Variants in CEP70 observed in about 807,000 individuals in gnomAD.
CEP70 encodes centrosomal protein 70.
In CEP70, 70 loss-of-function variants were observed where a neutral mutation model predicts 90.9. That is an observed-to-expected ratio of 0.77 (90% CI 0.64 to 0.94). The LOEUF is 0.94. Ranked by LOEUF, CEP70 falls within the 40% of genes least tolerant of loss-of-function variation. The probability of loss-of-function intolerance (pLI) is 0.00; values close to 1 mark genes in which losing one functional copy is unlikely to be tolerated. For synonymous variants in CEP70, 220 were observed against 228.3 expected (o/e 0.96, Z 0.33); for missense variants, 648 against 669.0 (o/e 0.97, Z 0.35).
intron 1 of CEP70, chr3:138,593,857 C>G (rs576984046): frequency 1.3e-5 from 2 of 152,272 alleles, no homozygotes; most frequent in East Asian, 3.9e-4. Flanking sequence ...AGTCTGTGCC[C>G]GACGTGATTC....
chr3:138,506,358 T>A (rs557902527), intron 12 of CEP70, among the ~76,000 whole-genome samples: 1 of 152,212 alleles, frequency 6.6e-6, no homozygotes, highest in South Asian at 2.1e-4. Flanking sequence ...ATAATATCAT[T>A]GATGCCTGGA....
chr3:138,499,531 G>A (rs1357906133), intron 16 of CEP70, among the ~76,000 whole-genome samples: 2 of 152,180 alleles, frequency 1.3e-5, no homozygotes, highest in African/African-American at 4.8e-5. Context: ...ATGCTGAAGA[G>A]TACCTGACCT....
intron 2 of CEP70, among the ~76,000 whole-genome samples, chr3:138,581,712 AAAAG>A (rs2041869052): frequency 6.6e-6 from 1 of 151,132 alleles, no homozygotes; most frequent in Non-Finnish European, 1.5e-5. Context: ...AAAAAAAAAA[AAAAG>A]AATAAGAAAA....
chr3:138,531,331 T>C (rs1258283311), intron 8 of CEP70, among the ~76,000 whole-genome samples: 1 of 152,092 alleles, frequency 6.6e-6, no homozygotes, highest in East Asian at 1.9e-4. Context: ...GATGGATATG[T>C]TATGTTAAAT....
At chr3:138,550,335 A>G (rs915195167) in intron 6 of CEP70, among the ~76,000 whole-genome samples, 1 of 152,024 alleles carries the variant, frequency 6.6e-6, no homozygotes, top group Non-Finnish European at 1.5e-5. Flanking sequence ...GAGGAGAGAA[A>G]TCTTCAGTGA....
chr3:138,535,049 A>G (rs543718702), intron 7 of CEP70, among the ~76,000 whole-genome samples: 1 of 152,262 alleles, frequency 6.6e-6, no homozygotes, highest in South Asian at 2.1e-4. Flanking sequence ...GTTCCCTGCC[A>G]CACAGAAAGT....
intron 6 of CEP70, among the ~76,000 whole-genome samples, chr3:138,556,629 T>C (rs187442743): frequency 1.2e-3 from 174 of 143,894 alleles, no homozygotes; most frequent in African/African-American, 4.3e-3. Flanking sequence ...GGTTGAGAAA[T>C]AAAGGGACAG....
Position 138,571,162 on chromosome 3 carries a change from A to G in CEP70, c.161-5T>C, listed in dbSNP as rs2041147904. The G allele has an allele frequency of 6.3e-7, 1 of 1,583,042 alleles. No homozygotes were observed. Among genetic ancestry groups the G allele is most frequent in the East Asian group, 2.3e-5 (1 of 44,432 alleles). On this transcript the variant is annotated splice_region_variant and splice_polypyrimidine_tract_variant and intron_variant, in intron 4 of 17. Transcript: ENST00000264982. Reference sequence around the variant, plus strand: ...GTTTGTCAAAAATGATGAGATCTACATTTAAAAAGTATATAATACAGATAG... The same window carrying G: ...GTTTGTCAAAAATGATGAGATCTACGTTTAAAAAGTATATAATACAGATAG...
chr3:138,544,819 C>G (rs2039059736), intron 6 of CEP70, among the ~76,000 whole-genome samples: 1 of 152,054 alleles, frequency 6.6e-6, no homozygotes, highest in Non-Finnish European at 1.5e-5. Context: ...TGAAAGACAA[C>G]TATTGCACAT....
intron 13 of CEP70, among the ~76,000 whole-genome samples, chr3:138,501,433 C>T (rs1007680413): frequency 6.6e-5 from 10 of 152,182 alleles, no homozygotes; most frequent in African/African-American, 2.2e-4. Context: ...AAGAGTCCTT[C>T]CTTCCCCATT....
At chr3:138,585,496 T>C (rs1039487036) in intron 2 of CEP70, among the ~76,000 whole-genome samples, 1 of 152,164 alleles carries the variant, frequency 6.6e-6, no homozygotes, top group Non-Finnish European at 1.5e-5. Flanking sequence ...TCAATGCAAA[T>C]GCCTAGCAAA....
chr3:138,547,983 A>G (rs1477130969), intron 6 of CEP70, among the ~76,000 whole-genome samples: 1 of 152,214 alleles, frequency 6.6e-6, no homozygotes, highest in Non-Finnish European at 1.5e-5. Context: ...AGGGGGAACT[A>G]CTGTATACAA....
chr3:138,497,270 C>T (rs1445844755), intron 17 of CEP70: 5 of 1,268,196 alleles, frequency 3.9e-6, no homozygotes, highest in Non-Finnish European at 4.1e-6. Flanking sequence ...TTTTCATTGA[C>T]TCATTCCCTT....
chr3:138,503,528 T>C (rs570590944), intron 13 of CEP70, among the ~76,000 whole-genome samples: 4 of 152,320 alleles, frequency 2.6e-5, no homozygotes, highest in South Asian at 4.1e-4. Context: ...TAACCTTTGA[T>C]ATGAGGCCTC....
Position 138,500,158 on chromosome 3 carries a change from T to C in CEP70, c.1604A>G (p.Asp535Gly), listed in dbSNP as rs747453214. 5 of 1,613,902 alleles carry C rather than the reference T, an allele frequency of 3.1e-6. No individual in the cohort carries two copies. The South Asian group carries it at 4.4e-5, about 14-fold the overall frequency. The part of the protein sequence containing the change: ...VGKLCRLINE[D>G]VNEQVMQVLG... The stretch of plus-strand genomic sequence containing the variant: ...TACCTGCATAACCTGCTCATTCACA[T>C]CTTCATTAATCAGCCTACAGAGTTT... The change falls in exon 16 of 18, where the codon GAT becomes GGT. Residue 535 changes from aspartate (D) to glycine (G), a missense_variant. By Grantham distance (94) the Asp-to-Gly change is moderately conservative. Coordinates refer to ENST00000264982, the MANE Select transcript of CEP70 (RefSeq NM_024491.4).
intron 6 of CEP70, among the ~76,000 whole-genome samples, chr3:138,543,875 A>C (rs1347765326): frequency 6.6e-6 from 1 of 152,240 alleles, no homozygotes; most frequent in Non-Finnish European, 1.5e-5. Context: ...GGTATAGATA[A>C]TGTAAAAAGA....
chr3:138,513,514 A>C (rs904700005), intron 11 of CEP70, among the ~76,000 whole-genome samples: 10 of 151,130 alleles, frequency 6.6e-5, no homozygotes, highest in Non-Finnish European at 1.3e-4. Flanking sequence ...GCTCCTAGGC[A>C]GTGAGATGAT....
At chr3:138,521,334 C>A (rs1385044591) in intron 11 of CEP70, among the ~76,000 whole-genome samples, 1 of 151,908 alleles carries the variant, frequency 6.6e-6, no homozygotes, top group Non-Finnish European at 1.5e-5. Context: ...AGTGCCTCTT[C>A]CCGGCCGCCA....
intron 15 of CEP70, 48 bp from the exon 16 acceptor site, chr3:138,500,272 T>C (rs2034369594): frequency 6.5e-7 from 1 of 1,536,248 alleles, no homozygotes; most frequent in East Asian, 2.3e-5. Context: ...TTTCCAAAAT[T>C]ACATACATCA....
Sources: gnomAD v4.1 joint callset for allele counts (sites outside exome capture counted in the v4.1 genomes callset) on GRCh38, gnomAD v4.1.1 for gene constraint, MANE v1.5 for transcripts, NCBI Gene and HGNC (gene_info 2026-07-23, HGNC 2026-07-21) for gene names.